OR6C2: variants seen among roughly 807,000 people sequenced by gnomAD.
The protein encoded by OR6C2 is olfactory receptor family 6 subfamily C member 2.
For missense variants in OR6C2, 435 were observed against 365.8 expected, an observed-to-expected ratio of 1.19 and a Z score of -1.54; for synonymous variants, 146 against 134.2, an observed-to-expected ratio of 1.09 and a Z score of -0.61.
intron 1 of OR6C2, among the ~76,000 whole-genome samples, chr12:55,450,835 A>G (rs942314261): frequency 1.3e-5 from 2 of 152,096 alleles, no homozygotes; most frequent in South Asian, 2.1e-4. Context: ...CCATTGAAAG[A>G]ATTATTGAAC....
At chr12:55,450,488 C>T (rs954154406) in intron 1 of OR6C2, among the ~76,000 whole-genome samples, 4 of 152,084 alleles carry the variant, frequency 2.6e-5, no homozygotes, top group Admixed American at 6.6e-5. Flanking sequence ...AGTGATTAAC[C>T]TGTAACAAGC....
chr12:55,451,788 T>C lies in OR6C2; in HGVS notation c.-426T>C, dbSNP rs941837846. 1 of 155,892 alleles carries C rather than the reference T, an allele frequency of 6.4e-6. No individual in the cohort carries two copies. Among genetic ancestry groups the C allele is most frequent in the Admixed American group, 6.4e-5 (1 of 15,538 alleles). 9.7% of individuals were successfully genotyped at this position (155,892 alleles called of 1,614,324 possible). ...AATACAATCCTCAGATGATAACAAC[T>C]GAAGAGAATTAATGTTATTAATTAC... On this transcript the variant is annotated 5_prime_UTR_variant, in exon 2 of 2. Transcript: ENST00000641202.
intron 1 of OR6C2, among the ~76,000 whole-genome samples, chr12:55,447,282 G>A (rs573761812): frequency 5.3e-5 from 8 of 151,100 alleles, no homozygotes; most frequent in African/African-American, 1.9e-4. Flanking sequence ...AAGTTTCTGT[G>A]AGTCTTAAGT....
chr12:55,446,293 G>T (rs1259575084), intron 1 of OR6C2, among the ~76,000 whole-genome samples: 1 of 152,080 alleles, frequency 6.6e-6, no homozygotes, highest in East Asian at 1.9e-4. Context: ...GGGATTACAG[G>T]CATGTGCCAC....
chr12:55,452,436 T>A lies in OR6C2; in HGVS notation c.223T>A (p.Cys75Ser), dbSNP rs1464509386. The change falls in exon 2 of 2, where the codon TGC (cysteine) becomes AGC (serine). Residue 75 changes from cysteine (C) to serine (S), a missense_variant. Physicochemically the swap from Cys to Ser is moderately radical, Grantham distance 112. Coordinates refer to ENST00000641202, the MANE Select transcript of OR6C2 (RefSeq NM_054105.2). The stretch of plus-strand genomic sequence containing the variant: ...CTTAGAAGTCTCATTTACTACAGTC[T>A]GCATTCCCAGATTCTTGTACAATAT... ...SFLEVSFTTV[C>S]IPRFLYNISM... 2 of 1,613,396 alleles carry A rather than the reference T, an allele frequency of 1.2e-6. No homozygotes were observed. Among genetic ancestry groups the A allele is most frequent in the African/African-American group, 2.7e-5 (2 of 74,910 alleles).
chr12:55,450,211 C>T (rs937553772), intron 1 of OR6C2, among the ~76,000 whole-genome samples: 2 of 151,946 alleles, frequency 1.3e-5, no homozygotes, highest in Admixed American at 1.3e-4. Flanking sequence ...AAACCAAGTA[C>T]ATAAGTACTT....
At chr12:55,449,847 A>G (rs991376955) in intron 1 of OR6C2, among the ~76,000 whole-genome samples, 1 of 152,014 alleles carries the variant, frequency 6.6e-6, no homozygotes, top group Admixed American at 6.6e-5. Flanking sequence ...AATAGTTCAG[A>G]GAGCAAAAAA....
chr12:55,450,071 C>G (rs1871438134), intron 1 of OR6C2, among the ~76,000 whole-genome samples: 2 of 151,916 alleles, frequency 1.3e-5, no homozygotes, highest in South Asian at 4.1e-4. Flanking sequence ...CTAAACTTAC[C>G]AAGAACCCTA....
intron 1 of OR6C2, among the ~76,000 whole-genome samples, chr12:55,446,148 C>A (rs1871357897): frequency 1.8e-5 from 1 of 55,742 alleles, no homozygotes; most frequent in African/African-American, 9.0e-5. Flanking sequence ...TCCTTCCTTT[C>A]TTTCTTTCTT....
chr12:55,452,576 T>C lies in OR6C2; in HGVS notation c.363T>C (p.Tyr121=). The change falls in exon 2 of 2, where the codon TAT becomes TAC. Residue 121 remains tyrosine (Y), a synonymous_variant. Coordinates refer to ENST00000641202, the MANE Select transcript of OR6C2 (RefSeq NM_054105.2). Reference sequence around the variant, plus strand: ...TGGCAGCCATGTCCTATGACCGCTATGTGGCCATCTGTAAACCCCTTCATT... The same window carrying C: ...TGGCAGCCATGTCCTATGACCGCTACGTGGCCATCTGTAAACCCCTTCATT... ...FLLAAMSYDR[Y]VAICKPLHYV... 1 of 1,613,914 alleles carries C rather than the reference T, an allele frequency of 6.2e-7. No individual in the cohort carries two copies. Among genetic ancestry groups the C allele is most frequent in the Non-Finnish European group, 8.5e-7 (1 of 1,179,874 alleles).
At chr12:55,444,282 A>T (rs1436759688) in intron 1 of OR6C2, 123 bp downstream of exon 1, 2 of 152,164 alleles carry the variant, frequency 1.3e-5, no homozygotes, top group Admixed American at 6.6e-5. Context: ...ACTGTAGCGA[A>T]CATGTTTTTA....
rs1871486902 is a variant in OR6C2, at chr12:55,452,198, A to G, written c.-16A>G. The G allele has an allele frequency of 1.3e-6, 2 of 1,488,294 alleles. No individual in the cohort carries two copies. Among genetic ancestry groups the G allele is most frequent in the African/African-American group, 2.8e-5 (2 of 71,500 alleles). 92.2% of individuals were successfully genotyped at this position (1,488,294 alleles called of 1,614,324 possible). On this transcript the variant is annotated 5_prime_UTR_variant, in exon 2 of 2. Coordinates refer to ENST00000641202, the MANE Select transcript of OR6C2 (RefSeq NM_054105.2). ...TGATTTTTAAAGGAGGATTGGGTAGATATCAAAGAACAGTGATGAAAAACC... is the reference window on the plus strand; with the variant it reads ...TGATTTTTAAAGGAGGATTGGGTAGGTATCAAAGAACAGTGATGAAAAACC...
Position 55,452,786 on chromosome 12 carries a change from G to T in OR6C2, c.573G>T (p.Trp191Cys), listed in dbSNP as rs1263379204. The change falls in exon 2 of 2, where the codon TGG becomes TGT. Residue 191 changes from tryptophan (W) to cysteine (C), a missense_variant. Transcript: ENST00000641202. ...PLLKISCSDT[W>C]VIEQMVILMA... ...TAAAGATCTCATGCTCAGATACATG[G>T]GTAATAGAACAGATGGTTATACTTA... is the stretch of plus-strand genomic sequence containing the variant. The T allele has an allele frequency of 6.2e-7, 1 of 1,613,730 alleles. No homozygotes were observed. The highest frequency in any genetic ancestry group is 1.7e-5 in the Admixed American group (1 of 59,968).
intron 1 of OR6C2, among the ~76,000 whole-genome samples, chr12:55,448,432 G>C (rs1216959160): frequency 6.7e-6 from 1 of 149,502 alleles, no homozygotes; most frequent in Admixed American, 6.7e-5. Context: ...AAAACTGTTA[G>C]CTGAGTAGTC....
Position 55,452,470 on chromosome 12 carries a change from G to T in OR6C2, c.257G>T (p.Gly86Val). The T allele has an allele frequency of 6.2e-7, 1 of 1,613,534 alleles. No individual in the cohort carries two copies. The highest frequency in any genetic ancestry group is 2.2e-5 in the East Asian group (1 of 44,874). ...AGATTCTTGTACAATATATCAATGG[G>T]GGACAATACCATTACCTACAATGCT... Reference protein sequence around the residue: ...IPRFLYNISMGDNTITYNACA... With the variant: ...IPRFLYNISMVDNTITYNACA... The change falls in exon 2 of 2, where the codon GGG becomes GTG. Residue 86 changes from glycine to valine, a missense_variant. Physicochemically the swap from Gly to Val is moderately radical, Grantham distance 109 (BLOSUM62 -3). Transcript: ENST00000641202.
chr12:55,446,759 G>A lies in OR6C2; in HGVS notation c.-888+2600G>A, dbSNP rs113104611. On this transcript the variant is annotated intron_variant, in intron 1 of 1. Transcript: ENST00000641202. ...TCACAACTTGTCTTCTGAAAAAGAG[G>A]AAGATATATTCACTCTTAGTCAATA... 7.7e-3 allele frequency among the ~76,000 whole-genome samples: 1,165 copies of A among 152,048 alleles called. 12 individuals are homozygous for A. Among genetic ancestry groups the A allele is most frequent in the African/African-American group, 0.026 (1,093 of 41,472 alleles).
intron 1 of OR6C2, among the ~76,000 whole-genome samples, chr12:55,446,207 T>C (rs1592296651): frequency 2.0e-5 from 3 of 152,144 alleles, no homozygotes; most frequent in African/African-American, 4.8e-5. Flanking sequence ...TGGAGTGCAA[T>C]GGCGAGATCT....
At chr12:55,444,306 T>C (rs1272449728) in intron 1 of OR6C2, 147 bp downstream of exon 1, 10 of 152,172 alleles carry the variant, frequency 6.6e-5, no homozygotes, top group Non-Finnish European at 1.5e-5. Context: ...TATTAACAGA[T>C]CTTTGACAAG....
chr12:55,447,564 A>G (rs1871386743), intron 1 of OR6C2, among the ~76,000 whole-genome samples: 1 of 152,132 alleles, frequency 6.6e-6, no homozygotes, highest in African/African-American at 2.4e-5. Context: ...TTTACATGCC[A>G]TATATAAGTA....
Sources: gnomAD v4.1 joint callset for allele counts (sites outside exome capture counted in the v4.1 genomes callset) on GRCh38, gnomAD v4.1.1 for gene constraint, MANE v1.5 for transcripts, NCBI Gene and HGNC (gene_info 2026-07-23, HGNC 2026-07-21) for gene names.